Variants in SUPT3H observed in about 807,000 individuals in gnomAD.
SUPT3H encodes SPT3 homolog, SAGA and STAGA complex component.
Under a neutral mutation model 44.3 loss-of-function variants are expected in SUPT3H, and 44 were observed. That is an observed-to-expected ratio of 0.99 (90% confidence interval 0.78 to 1.28). The LOEUF (loss-of-function observed/expected upper bound fraction) is 1.28. Ranked by LOEUF, SUPT3H falls within the 50% of genes most tolerant of loss-of-function variation. The probability of loss-of-function intolerance (pLI) is 0.00; values close to 1 mark genes in which losing one functional copy is unlikely to be tolerated. For missense variants in SUPT3H, 380 were observed against 387.1 expected (o/e 0.98, Z 0.15); for synonymous variants, 124 against 125.6 (o/e 0.99, Z 0.09).
At chr6:45,055,107 A>G (rs1166903200) in intron 3 of SUPT3H, among the ~76,000 whole-genome samples, 1 of 152,158 alleles carries the variant, frequency 6.6e-6, no homozygotes, top group African/African-American at 2.4e-5. Flanking sequence ...TGGAATTAGT[A>G]ATTTCACTAA....
chr6:45,105,986 C>G lies in SUPT3H; in HGVS notation c.122G>C (p.Arg41Thr), dbSNP rs1651405958. The G allele has an allele frequency of 1.2e-6, 2 of 1,613,612 alleles. No homozygotes were observed. The highest frequency in any genetic ancestry group is 1.7e-6 in the Non-Finnish European group (2 of 1,179,744). Residue 41 changes from arginine to threonine, a missense_variant, in exon 3 of 11, where the codon AGA (arginine) becomes ACA (threonine). Arg to Thr is a moderately conservative substitution (Grantham distance 71). Coordinates refer to ENST00000371459, the MANE Select transcript of SUPT3H (RefSeq NM_003599.4). Reference protein sequence around the residue: ...QSMMYSLGDARRPLHETAVLV... With the variant: ...QSMMYSLGDATRPLHETAVLV... ...AACTGCTGTTTCATGAAGAGGCCTTCTAGCATCACCTAAAGAATACCTGCA... is the reference window on the plus strand; with the variant it reads ...AACTGCTGTTTCATGAAGAGGCCTTGTAGCATCACCTAAAGAATACCTGCA...
intron 2 of SUPT3H, among the ~76,000 whole-genome samples, chr6:45,205,266 A>G (rs970764432): frequency 2.0e-5 from 3 of 152,208 alleles, no homozygotes; most frequent in Non-Finnish European, 2.9e-5. Context: ...GCAAAGTAGT[A>G]TGCCCTAAGT....
At chr6:45,025,612 G>A (rs1419578636) in intron 3 of SUPT3H, among the ~76,000 whole-genome samples, 3 of 152,166 alleles carry the variant, frequency 2.0e-5, no homozygotes, top group Non-Finnish European at 1.5e-5. Flanking sequence ...GGCCGGGCGC[G>A]GTGGCTCACG....
At chr6:44,867,364 C>T (rs1194309299) in intron 10 of SUPT3H, among the ~76,000 whole-genome samples, 1 of 152,094 alleles carries the variant, frequency 6.6e-6, no homozygotes, top group Non-Finnish European at 1.5e-5. Flanking sequence ...TGGTTTCGAA[C>T]TCCTGACCTC....
chr6:44,976,137 G>A (rs1778300828), intron 6 of SUPT3H, among the ~76,000 whole-genome samples: 1 of 152,110 alleles, frequency 6.6e-6, no homozygotes, highest in South Asian at 2.1e-4. Flanking sequence ...ATCTAAGCTA[G>A]AAGCATGAGT....
intron 2 of SUPT3H, among the ~76,000 whole-genome samples, chr6:45,287,103 GA>G (rs1286373036): frequency 2.6e-5 from 4 of 152,096 alleles, no homozygotes; most frequent in African/African-American, 9.7e-5. Flanking sequence ...GGGGTCGGAG[GA>G]GAGGGGAGGG....
chr6:45,121,936 A>G (rs1393690075), intron 2 of SUPT3H, among the ~76,000 whole-genome samples: 1 of 152,000 alleles, frequency 6.6e-6, no homozygotes, highest in Non-Finnish European at 1.5e-5. Flanking sequence ...TCAGCCTCCC[A>G]AAGTGCTGGG....
chr6:45,013,925 C>G (rs1455585506), intron 5 of SUPT3H, among the ~76,000 whole-genome samples: 1 of 152,076 alleles, frequency 6.6e-6, no homozygotes, highest in African/African-American at 2.4e-5. Flanking sequence ...ACTCTCAATA[C>G]TGTTCTTAAC....
chr6:45,014,136 A>G (rs1176789313), intron 5 of SUPT3H, among the ~76,000 whole-genome samples: 1 of 152,020 alleles, frequency 6.6e-6, no homozygotes, highest in Non-Finnish European at 1.5e-5. Context: ...ATTTTACTTT[A>G]TAATTTCTAT....
rs1779828266 is a variant in SUPT3H, at chr6:44,986,599, T to C, written c.504+17054A>G. On this transcript the variant is annotated intron_variant, in intron 6 of 10. Coordinates refer to ENST00000371459, the MANE Select transcript of SUPT3H (RefSeq NM_003599.4). ...GCAGAATGAATGTCAAAATCCTTTATCCTACCCAAAGGTTCACTGGTTCGC... is the reference window on the plus strand; with the variant it reads ...GCAGAATGAATGTCAAAATCCTTTACCCTACCCAAAGGTTCACTGGTTCGC... Among the ~76,000 whole-genome samples the C allele has an allele frequency of 2.0e-5, 3 of 152,148 alleles. No individual in the cohort carries two copies. In the South Asian group the frequency reaches 6.2e-4, roughly 32 times the overall value.
At position 45,365,188 on chromosome 6, in the gene SUPT3H, G is replaced by C; in HGVS notation, c.101+13C>G. ...AAAATAGTAATAGCAATAGCATGCA[G>C]GGACATACTTACATCATACTCTGTA... On this transcript the variant is annotated intron_variant, in intron 2 of 10. Coordinates refer to ENST00000371459, the MANE Select transcript of SUPT3H (RefSeq NM_003599.4). 6.6e-7 allele frequency: 1 copy of C among 1,504,840 alleles called. No homozygotes were observed. The allele number at this position is 1,504,840 out of a possible 1,614,324, so 93.2% of individuals were successfully genotyped here. A position where few individuals can be genotyped will look rare whatever the true frequency, so the allele number is the denominator to read the frequency against.
chr6:44,844,714 A>G (rs911034052), intron 10 of SUPT3H, among the ~76,000 whole-genome samples: 1 of 152,186 alleles, frequency 6.6e-6, no homozygotes, highest in African/African-American at 2.4e-5. Flanking sequence ...AAAACACATC[A>G]GTGATTGACA....
At chr6:45,273,216 C>T (rs1172801563) in intron 2 of SUPT3H, among the ~76,000 whole-genome samples, 3 of 152,286 alleles carry the variant, frequency 2.0e-5, no homozygotes, top group South Asian at 2.1e-4. Flanking sequence ...CAATCCTCTT[C>T]GATAAGGCTA....
intron 2 of SUPT3H, among the ~76,000 whole-genome samples, chr6:45,221,562 TTGA>T (rs1766061458): frequency 1.3e-5 from 2 of 152,162 alleles, no homozygotes. Flanking sequence ...GTATAAAATG[TTGA>T]TGAAAGAAAT....
intron 2 of SUPT3H, among the ~76,000 whole-genome samples, chr6:45,138,831 T>C (rs1338698662): frequency 1.3e-5 from 2 of 152,214 alleles, no homozygotes; most frequent in Non-Finnish European, 2.9e-5. Flanking sequence ...TCAACACTTA[T>C]GACAGTGAAT....
At chr6:44,935,107 C>T (rs1455905626) in intron 9 of SUPT3H, among the ~76,000 whole-genome samples, 1 of 151,886 alleles carries the variant, frequency 6.6e-6, no homozygotes, top group Non-Finnish European at 1.5e-5. Flanking sequence ...CACTTTTATA[C>T]TTTCTTGATT....
chr6:45,017,143 CTTT>C (rs1218809624), intron 4 of SUPT3H, among the ~76,000 whole-genome samples: 1 of 151,784 alleles, frequency 6.6e-6, no homozygotes, highest in African/African-American at 2.4e-5. Flanking sequence ...TAAATGTCTT[CTTT>C]TGAGAAGTGT....
chr6:45,147,224 C>T (rs965500032), intron 2 of SUPT3H, among the ~76,000 whole-genome samples: 1 of 151,982 alleles, frequency 6.6e-6, no homozygotes, highest in African/African-American at 2.4e-5. Context: ...CTGACTACTA[C>T]ATTATATTGT....
intron 10 of SUPT3H, among the ~76,000 whole-genome samples, chr6:44,897,542 T>C (rs1764294459): frequency 6.6e-6 from 1 of 152,210 alleles, no homozygotes; most frequent in Non-Finnish European, 1.5e-5. Flanking sequence ...ATCATGTTTT[T>C]ACTGATAATG....
Sources: gnomAD v4.1 joint callset for allele counts (sites outside exome capture counted in the v4.1 genomes callset) on GRCh38, gnomAD v4.1.1 for gene constraint, MANE v1.5 for transcripts, NCBI Gene and HGNC (gene_info 2026-07-23, HGNC 2026-07-21) for gene names.